TLN2: variants seen among roughly 807,000 people sequenced by gnomAD.
TLN2 encodes the protein talin-2.
TLN2 carries 118 observed loss-of-function variants against 294.7 expected under a neutral mutation model. That is an observed-to-expected ratio of 0.40 (90% CI 0.34 to 0.47). The LOEUF is 0.47. TLN2 is among the 20% of genes least tolerant of loss of function. The probability of loss-of-function intolerance (pLI) is 0.84; values close to 1 mark genes in which losing one functional copy is unlikely to be tolerated. For synonymous variants in TLN2, 1,431 were observed against 1,304.5 expected, an observed-to-expected ratio of 1.10 and a Z score of -2.09; for missense variants, 3,083 against 3,282.2, an observed-to-expected ratio of 0.94 and a Z score of 1.48.
chr15:62,761,926 TAGG>T (rs2062702198), intron 38 of TLN2, 105 bp downstream of exon 38: 2 of 1,440,168 alleles, frequency 1.4e-6, no homozygotes, highest in South Asian at 2.4e-5. Context: ...TGTCAACATG[TAGG>T]CTACTGTTAC....
intron 1 of TLN2, among the ~76,000 whole-genome samples, chr15:62,465,659 T>G (rs1658755287): frequency 1.3e-5 from 2 of 152,210 alleles, no homozygotes; most frequent in Non-Finnish European, 2.9e-5. Flanking sequence ...CATGAAACAA[T>G]GGCTTTAATA....
At chr15:62,472,281 C>T (rs1337685238) in intron 1 of TLN2, among the ~76,000 whole-genome samples, 2 of 152,232 alleles carry the variant, frequency 1.3e-5, no homozygotes, top group Non-Finnish European at 2.9e-5. Flanking sequence ...AGATCACATG[C>T]TCCCAGCCTT....
chr15:62,516,718 A>G (rs1866958), intron 1 of TLN2, among the ~76,000 whole-genome samples: 76,768 of 152,080 alleles, frequency 0.5, 20,628 homozygotes, highest in African/African-American at 0.7. Context: ...CAGAAGCTCT[A>G]GGGGGCAGGT....
chr15:62,840,650 G>A lies in TLN2; in HGVS notation c.*40G>A, dbSNP rs776689902. 1.9e-6 allele frequency: 3 copies of A among 1,604,288 alleles called. No homozygotes were observed. Among genetic ancestry groups the A allele is most frequent in the Admixed American group, 1.7e-5 (1 of 58,670 alleles). On this transcript the variant is annotated 3_prime_UTR_variant, in exon 59 of 59. Transcript: ENST00000636159. ...ATGGCGAGCCCCAGGGGATGGCCCT[G>A]GCTGAACTGGACAGACAGTGTTCCT...
intron 22 of TLN2, among the ~76,000 whole-genome samples, chr15:62,713,897 CATAT>C (rs34783254): frequency 1.7e-5 from 2 of 119,068 alleles, no homozygotes; most frequent in Non-Finnish European, 3.8e-5. Flanking sequence ...TTCTTTAAGC[CATAT>C]ATATATATAT....
intron 1 of TLN2, among the ~76,000 whole-genome samples, chr15:62,474,853 C>A (rs1159918430): frequency 6.6e-6 from 1 of 152,038 alleles, no homozygotes; most frequent in East Asian, 1.9e-4. Context: ...GGTGGCCTTG[C>A]AGCCTTTGAC....
intron 54 of TLN2, chr15:62,829,148 G>GTA (rs567097488): frequency 4.0e-3 from 320 of 80,840 alleles, no homozygotes; most frequent in African/African-American, 0.014. Context: ...TACATAGTAG[G>GTA]TATATATATA....
intron 3 of TLN2, among the ~76,000 whole-genome samples, chr15:62,627,908 T>C (rs2049426127): frequency 1.3e-5 from 2 of 152,240 alleles, no homozygotes; most frequent in Admixed American, 1.3e-4. Context: ...GCCTGTGTCA[T>C]GTGCAGTTTT....
At chr15:62,615,707 C>A (rs2048261028) in intron 2 of TLN2, among the ~76,000 whole-genome samples, 1 of 152,200 alleles carries the variant, frequency 6.6e-6, no homozygotes, top group African/African-American at 2.4e-5. Context: ...GGAACATAAA[C>A]ACTCATGTTT....
chr15:62,498,693 T>C (rs2140424545), intron 1 of TLN2, among the ~76,000 whole-genome samples: 1 of 152,130 alleles, frequency 6.6e-6, no homozygotes, highest in South Asian at 2.1e-4. Flanking sequence ...ACCCCCAGTA[T>C]CTGGTGGGAT....
chr15:62,722,522 G>C, intron 26 of TLN2, 35 bp downstream of exon 26: 1 of 1,585,678 alleles, frequency 6.3e-7, no homozygotes, highest in East Asian at 2.3e-5. Flanking sequence ...TAACTTGTCA[G>C]GAAGGGAGCT....
intron 4 of TLN2, among the ~76,000 whole-genome samples, chr15:62,648,886 TG>T (rs202129166): frequency 0.046 from 7,054 of 152,022 alleles, 530 homozygotes; most frequent in African/African-American, 0.16. Context: ...GCTCTGTCAC[TG>T]GAGGCTGGAG....
At chr15:62,829,473 G>C (rs1439635341) in intron 54 of TLN2, 1 of 152,072 alleles carries the variant, frequency 6.6e-6, no homozygotes, top group African/African-American at 2.4e-5. Context: ...CTGCCCCCAT[G>C]ATTCAGTTAC....
rs767806424 is a variant in TLN2, at chr15:62,686,709, C to T, written c.1026C>T (p.Arg342=). The T allele has an allele frequency of 1.9e-5, 30 of 1,613,870 alleles. No individual in the cohort carries two copies. The highest frequency in any genetic ancestry group is 2.7e-5 in the African/African-American group (2 of 74,882). ...GGATCACCAAAGACTCGGTGATGCG[C>T]GTGGATGAGAAGACCAAGGAAGTGC... The part of the protein sequence containing the change: ...LLGITKDSVM[R]VDEKTKEVLQ... The change falls in exon 12 of 59, where the codon CGC becomes CGT. Residue 342 remains arginine (R), a synonymous_variant. Coordinates refer to ENST00000636159, the MANE Select transcript of TLN2 (RefSeq NM_015059.3).
intron 1 of TLN2, among the ~76,000 whole-genome samples, chr15:62,481,671 T>C (rs1037682405): frequency 3.3e-5 from 5 of 150,708 alleles, no homozygotes; most frequent in African/African-American, 1.2e-4. Context: ...AAGAAAGTGC[T>C]TTTTTTTTAA....
At chr15:62,616,594 T>C (rs2140841329) in intron 2 of TLN2, among the ~76,000 whole-genome samples, 1 of 152,262 alleles carries the variant, frequency 6.6e-6, no homozygotes, top group Non-Finnish European at 1.5e-5. Context: ...GCACCTAGCC[T>C]ATTTTCTTCT....
In TLN2 at chr15:62,800,822, C is replaced by A. The variant is rs2065884474; in HGVS notation, c.6477+53C>A. 6 of 1,469,086 alleles carry A rather than the reference C, an allele frequency of 4.1e-6. No homozygotes were observed. In the East Asian group the frequency reaches 1.4e-4, roughly 34 times the overall value. The allele number at this position is 1,469,086 out of a possible 1,614,324, so 91.0% of individuals were successfully genotyped here. On this transcript the variant is annotated intron_variant, in intron 50 of 58. Coordinates refer to ENST00000636159, the MANE Select transcript of TLN2 (RefSeq NM_015059.3). Reference sequence around the variant, plus strand: ...GGTACCAGAGTCCCACAGCTGACCCCAGTGAGGGCTCATTTGAGGTTTTTT... The same window carrying A: ...GGTACCAGAGTCCCACAGCTGACCCAAGTGAGGGCTCATTTGAGGTTTTTT...
intron 2 of TLN2, among the ~76,000 whole-genome samples, chr15:62,606,333 C>T (rs192546687): frequency 2.0e-5 from 3 of 151,794 alleles, no homozygotes; most frequent in African/African-American, 7.3e-5. Context: ...TCAGGCGATC[C>T]ACCCACCTCA....
Position 62,620,180 on chromosome 15 carries a change from T to G in TLN2, c.-37+1705T>G, listed in dbSNP as rs140684288. 1.7e-3 allele frequency among the ~76,000 whole-genome samples: 256 copies of G among 152,246 alleles called. 2 individuals are homozygous for G. The highest frequency in any genetic ancestry group is 5.7e-3 in the African/African-American group (237 of 41,532). ...ATTTTTTGTAGAGACAGGGTCTTAC[T>G]ATATTGCCGAGGCTAATCTCAAACC... is the stretch of plus-strand genomic sequence containing the variant. On this transcript the variant is annotated intron_variant, in intron 3 of 58. Transcript: ENST00000636159.
Sources: gnomAD v4.1 joint callset for allele counts (sites outside exome capture counted in the v4.1 genomes callset) on GRCh38, gnomAD v4.1.1 for gene constraint, MANE v1.5 for transcripts, NCBI Gene and HGNC (gene_info 2026-07-23, HGNC 2026-07-21) for gene names.